The following COX7B2 variants were observed in gnomAD, a reference collection of about 807,000 sequenced individuals.
COX7B2 encodes the protein cytochrome c oxidase subunit 7B2, mitochondrial.
For synonymous variants in COX7B2, 37 were observed against 32.1 expected, an observed-to-expected ratio of 1.15 and a Z score of -0.51; for missense variants, 109 against 95.9, an observed-to-expected ratio of 1.14 and a Z score of -0.57.
chr4:46,743,344 G>T (rs1714823150), intron 2 of COX7B2, among the ~76,000 whole-genome samples: 1 of 152,060 alleles, frequency 6.6e-6, no homozygotes, highest in Admixed American at 6.6e-5. Context: ...CTTTGCACAG[G>T]TATCTAAAAA....
At chr4:46,883,920 C>G (rs1295183359) in intron 1 of COX7B2, among the ~76,000 whole-genome samples, 1 of 152,040 alleles carries the variant, frequency 6.6e-6, no homozygotes, top group Non-Finnish European at 1.5e-5. Context: ...TACAACTAGT[C>G]TGGAGAATCC....
At chr4:46,742,925 C>A (rs1714802913) in intron 2 of COX7B2, among the ~76,000 whole-genome samples, 1 of 152,118 alleles carries the variant, frequency 6.6e-6, no homozygotes, top group South Asian at 2.1e-4. Context: ...TCACAGTGTT[C>A]ATTTAGGCAG....
At chr4:46,813,571 G>C (rs1375301992) in intron 2 of COX7B2, among the ~76,000 whole-genome samples, 1 of 152,298 alleles carries the variant, frequency 6.6e-6, no homozygotes, top group South Asian at 2.1e-4. Context: ...GGAGGGCAAG[G>C]AAAGGGAGAG....
At chr4:46,857,013 C>T (rs1019035684) in intron 1 of COX7B2, among the ~76,000 whole-genome samples, 4 of 152,114 alleles carry the variant, frequency 2.6e-5, no homozygotes, top group African/African-American at 9.7e-5. Flanking sequence ...TTCAAGTAAT[C>T]AGATGTAAAA....
At chr4:46,759,946 AG>A in intron 2 of COX7B2, among the ~76,000 whole-genome samples, 1 of 151,292 alleles carries the variant, frequency 6.6e-6, no homozygotes, top group South Asian at 2.1e-4. Flanking sequence ...ATGTTATATA[AG>A]TCTTATATAA....
chr4:46,814,135 C>A (rs1021749084), intron 2 of COX7B2, among the ~76,000 whole-genome samples: 2 of 152,214 alleles, frequency 1.3e-5, no homozygotes, highest in African/African-American at 4.8e-5. Flanking sequence ...AATAGAAAAC[C>A]AGGTGATTCA....
At chr4:46,788,875 T>C (rs142994457) in intron 2 of COX7B2, among the ~76,000 whole-genome samples, 42 of 152,298 alleles carry the variant, frequency 2.8e-4, no homozygotes, top group Admixed American at 9.2e-4. Flanking sequence ...AAATGATTCA[T>C]AGAACAAAAT....
intron 2 of COX7B2, among the ~76,000 whole-genome samples, chr4:46,755,704 A>G (rs929913022): frequency 3.9e-5 from 6 of 152,042 alleles, no homozygotes; most frequent in African/African-American, 1.4e-4. Flanking sequence ...CAAGAAGGCA[A>G]TCCCATTTAA....
At chr4:46,747,301 T>TATTTTATTTTATTG (rs1715080249) in intron 2 of COX7B2, among the ~76,000 whole-genome samples, 1 of 151,568 alleles carries the variant, frequency 6.6e-6, no homozygotes, top group South Asian at 2.1e-4. Flanking sequence ...TATTTTATTT[T>TATTTTATTTTATTG]ATTTTATTTT....
At position 46,836,592 on chromosome 4, in the gene COX7B2, T is replaced by TAA. The variant is rs532024563; in HGVS notation, c.-50+8366_-50+8367dup. On this transcript the variant is annotated intron_variant, in intron 2 of 2. Transcript: ENST00000355591. ...CTGAGGCTGTTCTACAGTTAAATTT[T>TAA]AAAAAAAAAAAGAAGGAGCACAAGC... Among the ~76,000 whole-genome samples, 152 of 143,196 alleles carry TAA rather than the reference T, an allele frequency of 1.1e-3. 3 individuals carry two copies. In the East Asian group the frequency reaches 0.028, roughly 27 times the overall value. The allele number at this position is 143,196 out of a possible 152,430, so 93.9% of individuals were successfully genotyped here.
In COX7B2 at chr4:46,880,658, T is replaced by G. The variant is rs1022687125; in HGVS notation, c.-105+28502A>C. Among the ~76,000 whole-genome samples, 6 of 151,708 alleles carry G rather than the reference T, an allele frequency of 4.0e-5. No individual in the cohort carries two copies. In the East Asian group the frequency reaches 9.7e-4, roughly 24 times the overall value. On this transcript the variant is annotated intron_variant, in intron 1 of 2. Coordinates refer to ENST00000355591, the MANE Select transcript of COX7B2 (RefSeq NM_130902.3). ...TAACATTCTCTTCATCATTTCTAGT[T>G]GTGTTTATTTGGATCTTCTCTCTTT...
At chr4:46,883,648 G>A (rs577242528) in intron 1 of COX7B2, among the ~76,000 whole-genome samples, 1 of 152,116 alleles carries the variant, frequency 6.6e-6, no homozygotes, top group South Asian at 2.1e-4. Context: ...TGAAGTGGGA[G>A]GATTGCTTGA....
At chr4:46,754,880 C>A (rs1715682008) in intron 2 of COX7B2, among the ~76,000 whole-genome samples, 1 of 150,878 alleles carries the variant, frequency 6.6e-6, no homozygotes, top group Non-Finnish European at 1.5e-5. Context: ...AGAACTAATA[C>A]CAATCCTACT....
chr4:46,799,247 C>T (rs1718525684), intron 2 of COX7B2, among the ~76,000 whole-genome samples: 1 of 152,074 alleles, frequency 6.6e-6, no homozygotes, highest in South Asian at 2.1e-4. Context: ...TTTATCCGAT[C>T]TAGGAGGCTT....
At chr4:46,844,154 AT>A (rs989330292) in intron 2 of COX7B2, among the ~76,000 whole-genome samples, 1 of 151,994 alleles carries the variant, frequency 6.6e-6, no homozygotes, top group African/African-American at 2.4e-5. Context: ...CCAAAAAGAA[AT>A]TGTTCACAGC....
At chr4:46,755,099 G>A (rs919561942) in intron 2 of COX7B2, among the ~76,000 whole-genome samples, 1 of 151,718 alleles carries the variant, frequency 6.6e-6, no homozygotes, top group Non-Finnish European at 1.5e-5. Context: ...ATATTAAGGT[G>A]AGCTTTACCC....
chr4:46,830,749 T>G (rs889094257), intron 2 of COX7B2, among the ~76,000 whole-genome samples: 2 of 152,234 alleles, frequency 1.3e-5, no homozygotes, highest in African/African-American at 4.8e-5. Flanking sequence ...GAAGGGAGTC[T>G]GCTCCACAGT....
chr4:46,896,398 A>G (rs1174744777), intron 1 of COX7B2, among the ~76,000 whole-genome samples: 1 of 152,222 alleles, frequency 6.6e-6, no homozygotes, highest in East Asian at 1.9e-4. Flanking sequence ...GGACTTACAT[A>G]CCCAATAAAT....
chr4:46,844,875 A>T (rs1716168701), intron 2 of COX7B2, 85 bp downstream of exon 2: 1 of 152,022 alleles, frequency 6.6e-6, no homozygotes, highest in South Asian at 2.1e-4. Flanking sequence ...TTTATTTTTT[A>T]CAAAATTTCC....
Sources: allele counts gnomAD v4.1 joint callset (sites outside exome capture counted in the v4.1 genomes callset), GRCh38; gene constraint gnomAD v4.1.1; transcripts MANE v1.5; gene names NCBI Gene and HGNC (gene_info 2026-07-23, HGNC 2026-07-21).